The following TBC1D22A variants were observed in gnomAD, a reference collection of about 807,000 sequenced individuals.
TBC1D22A encodes TBC1 domain family member 22A.
A neutral mutation model predicts 60.2 loss-of-function variants in TBC1D22A; 38 were observed. The observed-to-expected ratio is 0.63, with a 90% CI of 0.49 to 0.83. The LOEUF is 0.83. Ranked by LOEUF, TBC1D22A falls within the 40% of genes least tolerant of loss-of-function variation. The pLI, the probability that TBC1D22A is intolerant of heterozygous loss-of-function variation, is 0.00. For synonymous variants in TBC1D22A, 302 were observed against 281.7 expected (o/e 1.07, Z -0.72); for missense variants, 628 against 701.0 (o/e 0.90, Z 1.18).
intron 11 of TBC1D22A, among the ~76,000 whole-genome samples, chr22:47,077,213 C>T (rs73888864): frequency 0.01 from 1,598 of 152,274 alleles, 32 homozygotes; most frequent in African/African-American, 0.036. Flanking sequence ...CACATCATTC[C>T]ACTGGCCATT....
chr22:46,830,364 G>A (rs1471786026), intron 4 of TBC1D22A, among the ~76,000 whole-genome samples: 1 of 152,208 alleles, frequency 6.6e-6, no homozygotes, highest in African/African-American at 2.4e-5. Context: ...ATAAATGACA[G>A]ATCAGTGATT....
In TBC1D22A at chr22:47,079,377, G is replaced by A. The variant is rs548506061; in HGVS notation, c.1330-32131G>A. Among the ~76,000 whole-genome samples, 4 of 152,224 alleles carry A rather than the reference G, an allele frequency of 2.6e-5. No homozygotes were observed. In the East Asian group the frequency reaches 5.8e-4, roughly 22 times the overall value. Reference sequence around the variant, plus strand: ...ACTGGGATTACAGACTTGAGCCACCGTGCCCAGCCGGGACAGACATCTTGA... The same window carrying A: ...ACTGGGATTACAGACTTGAGCCACCATGCCCAGCCGGGACAGACATCTTGA... On this transcript the variant is annotated intron_variant, in intron 11 of 12. Transcript: ENST00000337137.
chr22:46,976,645 A>G (rs1569296277), intron 9 of TBC1D22A, among the ~76,000 whole-genome samples: 1 of 152,080 alleles, frequency 6.6e-6, no homozygotes, highest in Non-Finnish European at 1.5e-5. Context: ...TACTGTCTCC[A>G]TTTCATTCTT....
intron 10 of TBC1D22A, 89 bp downstream of exon 10, chr22:46,997,798 C>A: frequency 8.2e-7 from 1 of 1,216,010 alleles, no homozygotes; most frequent in Non-Finnish European, 1.2e-6. Flanking sequence ...CCTCATCCGC[C>A]GGCAGCATCC....
At chr22:47,015,333 G>A (rs962390233) in intron 10 of TBC1D22A, among the ~76,000 whole-genome samples, 3 of 152,166 alleles carry the variant, frequency 2.0e-5, no homozygotes, top group South Asian at 2.1e-4. Flanking sequence ...AGGGCGGCTC[G>A]CTTTATTTAA....
At chr22:47,152,222 A>G (rs552458625) in intron 12 of TBC1D22A, among the ~76,000 whole-genome samples, 2 of 152,354 alleles carry the variant, frequency 1.3e-5, no homozygotes, top group East Asian at 3.9e-4. Context: ...TGGGTTGACC[A>G]ATACAAGGTT....
At chr22:46,957,076 G>A (rs136082) in intron 8 of TBC1D22A, among the ~76,000 whole-genome samples, 29,006 of 152,132 alleles carry the variant, frequency 0.19, 2,974 homozygotes, top group East Asian at 0.27. Context: ...ACAGTGGGGA[G>A]CCTCGAGACC....
chr22:46,980,397 G>A (rs1019528181), intron 9 of TBC1D22A, among the ~76,000 whole-genome samples: 5 of 152,154 alleles, frequency 3.3e-5, no homozygotes, highest in African/African-American at 1.2e-4. Context: ...TGGCCAGGAT[G>A]GTCTCGATCT....
intron 4 of TBC1D22A, among the ~76,000 whole-genome samples, chr22:46,809,430 A>G (rs1601953946): frequency 6.6e-6 from 1 of 152,294 alleles, no homozygotes; most frequent in East Asian, 1.9e-4. Context: ...GCTCTGGGAG[A>G]GGCCTTCAAC....
At position 46,943,566 on chromosome 22, in the gene TBC1D22A, C is replaced by T. The variant is rs571158421; in HGVS notation, c.1016-30724C>T. ...CCTCCTCTCTCCTACTTGTGTATTC[C>T]GCCTGGTCCATCTGTCTGTCTCCCA... On this transcript the variant is annotated intron_variant, in intron 8 of 12. Transcript: ENST00000337137. 3.9e-5 allele frequency among the ~76,000 whole-genome samples: 6 copies of T among 152,326 alleles called. No individual in the cohort carries two copies. The East Asian group carries it at 5.8e-4, about 15-fold the overall frequency.
chr22:46,791,263 C>G (rs891350589), intron 1 of TBC1D22A, among the ~76,000 whole-genome samples: 2 of 152,222 alleles, frequency 1.3e-5, no homozygotes, highest in Non-Finnish European at 2.9e-5. Context: ...CTCAAGCGAT[C>G]CGCCCACCTC....
chr22:46,797,346 A>G, intron 3 of TBC1D22A, 98 bp from the exon 4 acceptor site: 1 of 1,332,350 alleles, frequency 7.5e-7, no homozygotes, highest in Admixed American at 2.1e-5. Context: ...GGAAGAAGGG[A>G]CCCATCAGCA....
chr22:47,137,927 C>T (rs2066933703), intron 12 of TBC1D22A, among the ~76,000 whole-genome samples: 1 of 152,124 alleles, frequency 6.6e-6, no homozygotes, highest in Non-Finnish European at 1.5e-5. Context: ...CTGGCCCTGC[C>T]TTCGCCTCCC....
chr22:47,063,596 A>G (rs1197371536), intron 11 of TBC1D22A, among the ~76,000 whole-genome samples: 1 of 152,182 alleles, frequency 6.6e-6, no homozygotes, highest in Non-Finnish European at 1.5e-5. Flanking sequence ...GTGCCCCTCC[A>G]GTCACACCTG....
At chr22:47,057,257 T>G (rs1016777206) in intron 11 of TBC1D22A, among the ~76,000 whole-genome samples, 3 of 152,222 alleles carry the variant, frequency 2.0e-5, no homozygotes, top group Non-Finnish European at 4.4e-5. Flanking sequence ...GTTCTCTCCT[T>G]GTTCCCCTCC....
intron 10 of TBC1D22A, among the ~76,000 whole-genome samples, chr22:47,017,407 G>A (rs996360339): frequency 1.3e-5 from 2 of 152,176 alleles, no homozygotes; most frequent in Non-Finnish European, 1.5e-5. Context: ...GGGGTTGGGA[G>A]ATGTGGGAGC....
intron 6 of TBC1D22A, among the ~76,000 whole-genome samples, chr22:46,893,157 G>A (rs540226092): frequency 5.9e-5 from 9 of 152,200 alleles, no homozygotes; most frequent in Admixed American, 3.3e-4. Flanking sequence ...CAGGTTTCCC[G>A]CTTGCTTTCC....
At chr22:46,763,478 G>A (rs1172253469) in intron 1 of TBC1D22A, 2 of 124,578 alleles carry the variant, frequency 1.6e-5, no homozygotes, top group African/African-American at 6.0e-5. Context: ...CAGCTCCAGA[G>A]CTCCAGAGTC....
intron 1 of TBC1D22A, among the ~76,000 whole-genome samples, chr22:46,764,983 A>G (rs1381698195): frequency 2.6e-5 from 4 of 152,172 alleles, no homozygotes; most frequent in Non-Finnish European, 4.4e-5. Context: ...GCCACAGGAG[A>G]CTAATACAGT....
Sources: allele counts gnomAD v4.1 joint callset (sites outside exome capture counted in the v4.1 genomes callset), GRCh38; gene constraint gnomAD v4.1.1; transcripts MANE v1.5; gene names NCBI Gene and HGNC (gene_info 2026-07-23, HGNC 2026-07-21).